Variants in NPIPB2 observed in about 807,000 individuals in gnomAD.
NPIPB2 encodes nuclear pore complex interacting protein family member B2, also known as nuclear pore complex-interacting protein family member B2.
Under a neutral mutation model 30.8 loss-of-function variants are expected in NPIPB2, and 27 were observed. The observed-to-expected ratio is 0.88, with a 90% CI of 0.65 to 1.21. NPIPB2 has a LOEUF of 1.21. Among genes scored for constraint, NPIPB2 ranks in the 50% most tolerant of loss-of-function variants. The pLI, the probability that NPIPB2 is intolerant of heterozygous loss-of-function variation, is 0.00. For synonymous variants in NPIPB2, 147 were observed against 162.0 expected (o/e 0.91, Z 0.70); for missense variants, 440 against 446.2 (o/e 0.99, Z 0.13).
intron 1 of NPIPB2, among the ~76,000 whole-genome samples, chr16:11,951,666 A>ACACACACACACACACACCCCCC (rs1226047972): frequency 7.2e-6 from 1 of 138,874 alleles, no homozygotes. Context: ...ACACACACAC[A>ACACACACACACACACACCCCCC]CCCAGCCCCC....
intron 1 of NPIPB2, among the ~76,000 whole-genome samples, chr16:11,975,141 C>CTT (rs1195309022): frequency 0.32 from 11,965 of 37,546 alleles, 4,043 homozygotes; most frequent in Non-Finnish European, 0.39. Flanking sequence ...AATCCATCAC[C>CTT]TTTTTTTTTT....
intron 1 of NPIPB2, chr16:11,967,251 C>CGTATCATTAAAAAA: frequency 3.7e-6 from 1 of 273,572 alleles, no homozygotes. Context: ...ATCTGCCCGC[C>CGTATCATTAAAAAA]TCAGCTTCCC....
chr16:11,967,801 C>T, intron 1 of NPIPB2: 1 of 1,614,202 alleles, frequency 6.2e-7, no homozygotes, highest in Non-Finnish European at 8.5e-7. Flanking sequence ...AGCCTGCCAG[C>T]TGCTTTGAGT....
In NPIPB2 at chr16:11,934,750, T is replaced by G. The variant is rs558202032; in HGVS notation, c.193-826A>C. Among the ~76,000 whole-genome samples, 550 of 145,306 alleles carry G rather than the reference T, an allele frequency of 3.8e-3. 6 individuals carry two copies. Among genetic ancestry groups the G allele is most frequent in the African/African-American group, 0.013 (524 of 39,622 alleles). On this transcript the variant is annotated intron_variant, in intron 2 of 7. Transcript: ENST00000399147. ...GATGCACGCCTGTAGCCCCAGCTAC[T>G]TGGGAGGCTGAGGCAGGAGAACTGC...
intron 1 of NPIPB2, among the ~76,000 whole-genome samples, chr16:11,951,614 GCACATA>G (rs1360176946): frequency 0.029 from 2,934 of 99,822 alleles, 61 homozygotes; most frequent in African/African-American, 0.06. Flanking sequence ...GATGGACACT[GCACATA>G]CACATACACA....
chr16:11,954,733 C>G (rs957440161), intron 1 of NPIPB2, among the ~76,000 whole-genome samples: 1 of 151,648 alleles, frequency 6.6e-6, no homozygotes, highest in East Asian at 1.9e-4. Flanking sequence ...CGGTGAAACC[C>G]TATCTCTACT....
chr16:11,936,257 T>C (rs2054866344), intron 2 of NPIPB2, among the ~76,000 whole-genome samples: 1 of 151,006 alleles, frequency 6.6e-6, no homozygotes. Context: ...TGAGCCGAGG[T>C]CACACCATTA....
chr16:11,951,950 G>A (rs905074420), intron 1 of NPIPB2, among the ~76,000 whole-genome samples: 1 of 152,076 alleles, frequency 6.6e-6, no homozygotes, highest in Non-Finnish European at 1.5e-5. Context: ...ACAAGGTCAG[G>A]AGATCGAGAC....
rs550991274 is a variant in NPIPB2, at chr16:11,961,650, C to T, written c.-584+14918G>A. Among the ~76,000 whole-genome samples, 19 of 151,628 alleles carry T rather than the reference C, an allele frequency of 1.3e-4. 1 individual carries two copies. The South Asian group carries it at 3.1e-3, about 25-fold the overall frequency. ...CAAAAATTAGCCAGGCCTGGAGGCA[C>T]GCACCTGTAATCCCAGCTACTAGGG... is the stretch of plus-strand genomic sequence containing the variant. On this transcript the variant is annotated intron_variant, in intron 1 of 5. Transcript: ENST00000538896.
intron 2 of NPIPB2, among the ~76,000 whole-genome samples, chr16:11,937,208 C>T (rs955974970): frequency 2.0e-5 from 3 of 152,120 alleles, no homozygotes; most frequent in East Asian, 1.9e-4. Flanking sequence ...TCCACCCATA[C>T]GATAGAACTA....
In NPIPB2 at chr16:11,933,828, C is replaced by A. The variant is rs2054826520; in HGVS notation, c.289G>T (p.Glu97Ter). Residue 97 changes from glutamate to a stop codon, truncating the protein, a stop_gained, in exon 3 of 8, where the codon GAA becomes TAA. Transcript: ENST00000399147. LOFTEE classifies it high-confidence loss of function. ...GGGGACTCCAACAGAGCCATACCTT[C>A]CTGTCTACGGCGGTTGGACCTCCTG... 1 of 1,588,326 alleles carries A rather than the reference C, an allele frequency of 6.3e-7. No homozygotes were observed. Among genetic ancestry groups the A allele is most frequent in the African/African-American group, 1.3e-5 (1 of 74,818 alleles).
At chr16:11,966,977 CATTTATTTATTT>C (rs36230512) in intron 1 of NPIPB2, 2,014 of 161,418 alleles carry the variant, frequency 0.012, 31 homozygotes, top group Middle Eastern at 0.051. Flanking sequence ...TTTCTGTATG[CATTTATTTATTT>C]ATTTATTTAT....
intron 1 of NPIPB2, among the ~76,000 whole-genome samples, chr16:11,948,757 A>C (rs2055035767): frequency 1.9e-5 from 2 of 107,546 alleles, no homozygotes; most frequent in African/African-American, 3.3e-5. Flanking sequence ...ACAGAGCGAG[A>C]CTCCGTCTCA....
At position 11,976,575 on chromosome 16, in the gene NPIPB2, C is replaced by T. The variant is rs931381056; in HGVS notation, c.-591G>A. On this transcript the variant is annotated 5_prime_UTR_variant, in exon 1 of 6. Coordinates refer to the NPIPB2 transcript ENST00000538896. ...GCGGGGTCTCGGGTTTACCCTGAGT[C>T]TCCAGCCCGCGTAGCCTCAGCACCG... is the stretch of plus-strand genomic sequence containing the variant. The T allele has an allele frequency of 3.3e-5, 12 of 360,846 alleles. No individual in the cohort carries two copies. In the Admixed American group the frequency reaches 5.6e-4, roughly 17 times the overall value. 22.4% of individuals were successfully genotyped at this position (360,846 alleles called of 1,614,324 possible).
intron 1 of NPIPB2, among the ~76,000 whole-genome samples, chr16:11,960,716 T>C (rs1398741588): frequency 1.3e-5 from 2 of 151,966 alleles, no homozygotes; most frequent in African/African-American, 4.8e-5. Context: ...ATATCTACCA[T>C]CTGGCTTGCA....
intron 1 of NPIPB2, among the ~76,000 whole-genome samples, chr16:11,953,794 A>G (rs548978567): frequency 7.0e-6 from 1 of 143,744 alleles, no homozygotes; most frequent in Non-Finnish European, 1.5e-5. Context: ...TCCTGCCTCA[A>G]CCTCCTGAGT....
At chr16:11,967,759 T>C in intron 1 of NPIPB2, 1 of 1,614,220 alleles carries the variant, frequency 6.2e-7, no homozygotes, top group East Asian at 2.2e-5. Context: ...GCAACCATTC[T>C]TGTCACCACG....
intron 1 of NPIPB2, chr16:11,966,342 G>A (rs561569626): frequency 9.3e-6 from 15 of 1,609,008 alleles, no homozygotes; most frequent in Admixed American, 6.7e-5. Flanking sequence ...AAAAACACAG[G>A]TTGGTTTGAT....
chr16:11,946,385 CAAAAAAA>C (rs34318693), upstream of NPIPB2, among the ~76,000 whole-genome samples: 1 of 70,106 alleles, frequency 1.4e-5, no homozygotes, highest in African/African-American at 5.7e-5. Flanking sequence ...AACTCTATCT[CAAAAAAA>C]AAAAAAAAAA....
Sources: allele counts gnomAD v4.1 joint callset (sites outside exome capture counted in the v4.1 genomes callset), GRCh38; gene constraint gnomAD v4.1.1; transcripts MANE v1.5; gene names NCBI Gene and HGNC (gene_info 2026-07-23, HGNC 2026-07-21).